Variants in UPP2 observed in about 807,000 individuals in gnomAD.
UPP2 encodes the protein UPase 2.
UPP2 carries 23 observed loss-of-function variants against 26.7 expected under a neutral mutation model. The ratio of observed to expected loss-of-function variants is 0.86; its 90% CI spans 0.62 to 1.22. The LOEUF (loss-of-function observed/expected upper bound fraction) is 1.22, where lower values mean the gene tolerates loss of function less well. Among genes scored for constraint, UPP2 ranks in the 50% most tolerant of loss-of-function variants. UPP2 has a pLI of 0.00. For synonymous variants in UPP2, 127 were observed against 141.3 expected (o/e 0.90, Z 0.72); for missense variants, 387 against 396.7 (o/e 0.98, Z 0.21).
At chr2:158,026,481 G>A (rs377240263) in intron 3 of UPP2, among the ~76,000 whole-genome samples, 3 of 152,134 alleles carry the variant, frequency 2.0e-5, no homozygotes, top group Admixed American at 6.5e-5. Flanking sequence ...ATGTAAGAAC[G>A]AGCGTCTCTC....
intron 2 of UPP2, among the ~76,000 whole-genome samples, chr2:158,015,433 T>C (rs753555787): frequency 2.0e-5 from 3 of 152,248 alleles, no homozygotes; most frequent in Admixed American, 6.5e-5. Flanking sequence ...TTTTTTAGGC[T>C]GAATAATAAT....
At chr2:158,103,191 A>G (rs981576679) in intron 1 of UPP2, among the ~76,000 whole-genome samples, 1 of 152,210 alleles carries the variant, frequency 6.6e-6, no homozygotes, top group Non-Finnish European at 1.5e-5. Flanking sequence ...ATCATCTTAG[A>G]AGTGCTTCTG....
chr2:158,074,687 T>TCACACA (rs1682600896), intron 3 of UPP2, among the ~76,000 whole-genome samples: 1 of 27,466 alleles, frequency 3.6e-5, no homozygotes, highest in South Asian at 6.9e-4. Context: ...TAGAAGACCT[T>TCACACA]CATACACACA....
At chr2:158,003,771 A>T (rs574673873) in intron 2 of UPP2, among the ~76,000 whole-genome samples, 1 of 152,060 alleles carries the variant, frequency 6.6e-6, no homozygotes, top group South Asian at 2.1e-4. Flanking sequence ...ATGGAATTGT[A>T]GATATTAGTA....
At chr2:158,075,751 TAAAC>T (rs1682620990) in intron 3 of UPP2, among the ~76,000 whole-genome samples, 1 of 151,372 alleles carries the variant, frequency 6.6e-6, no homozygotes, top group African/African-American at 2.4e-5. Context: ...AATATTCAAA[TAAAC>T]AACCTAATGA....
At chr2:158,024,983 C>A (rs74790619) in intron 3 of UPP2, among the ~76,000 whole-genome samples, 1 of 152,046 alleles carries the variant, frequency 6.6e-6, no homozygotes, top group African/African-American at 2.4e-5. Flanking sequence ...GGGTGAATCA[C>A]CTGAGGTCAG....
chr2:158,135,791 C>T lies in UPP2; in HGVS notation c.*901C>T, dbSNP rs1380490858. 6.6e-6 allele frequency: 1 copy of T among 152,190 alleles called. No homozygotes were observed. The highest frequency in any genetic ancestry group is 1.5e-5 in the Non-Finnish European group (1 of 68,058). The allele number at this position is 152,190 out of a possible 1,614,324, so 9.4% of individuals were successfully genotyped here. A position where few individuals can be genotyped will look rare whatever the true frequency, so the allele number is the denominator to read the frequency against. On this transcript the variant is annotated 3_prime_UTR_variant, in exon 7 of 7. Coordinates refer to ENST00000005756, the MANE Select transcript of UPP2 (RefSeq NM_173355.4). ...GGAGGCATGGTGCTCCTCCTGGCTG[C>T]ACATGCTCTCTGTGAACTGATCGCA...
intron 3 of UPP2, among the ~76,000 whole-genome samples, chr2:158,055,175 G>A (rs1440618164): frequency 6.6e-6 from 1 of 152,198 alleles, no homozygotes; most frequent in African/African-American, 2.4e-5. Flanking sequence ...TATTGCTGGT[G>A]GGGGCTCTCC....
At chr2:158,002,943 T>A (rs188458800) in intron 2 of UPP2, among the ~76,000 whole-genome samples, 1 of 152,284 alleles carries the variant, frequency 6.6e-6, no homozygotes, top group African/African-American at 2.4e-5. Flanking sequence ...CTCTCATGTT[T>A]AATTCTCATG....
intron 3 of UPP2, among the ~76,000 whole-genome samples, chr2:158,036,888 C>T (rs139728525): frequency 1.4e-4 from 22 of 152,284 alleles, no homozygotes; most frequent in East Asian, 1.2e-3. Context: ...CACACAGACA[C>T]GGAGACCCCA....
At chr2:158,040,665 A>T (rs1684071090) in intron 3 of UPP2, among the ~76,000 whole-genome samples, 2 of 152,206 alleles carry the variant, frequency 1.3e-5, no homozygotes, top group South Asian at 4.1e-4. Context: ...TCTAATAGTG[A>T]TTACCCCTCC....
At chr2:158,090,646 TAAAC>T (rs1261105575) in intron 3 of UPP2, among the ~76,000 whole-genome samples, 1 of 152,150 alleles carries the variant, frequency 6.6e-6, no homozygotes, top group Non-Finnish European at 1.5e-5. Flanking sequence ...TTTTGCTTGT[TAAAC>T]AAAGCATCTG....
intron 3 of UPP2, among the ~76,000 whole-genome samples, chr2:158,085,237 C>G (rs962520866): frequency 6.6e-6 from 1 of 151,472 alleles, no homozygotes; most frequent in Middle Eastern, 3.2e-3. Context: ...CTAAGTATTA[C>G]ATTATATTTT....
chr2:158,092,939 AT>A lies in UPP2; in HGVS notation c.148-9092del, dbSNP rs548190588. 1.3e-3 allele frequency among the ~76,000 whole-genome samples: 197 copies of A among 151,028 alleles called. 1 individual carries two copies. The highest frequency in any genetic ancestry group is 4.5e-3 in the African/African-American group (186 of 41,168). On this transcript the variant is annotated intron_variant, in intron 3 of 9. Transcript: ENST00000605860. ...GGGGTCTGCAAAGAATCATGTAATC[AT>A]TTTTTTTTCTCACTTTGCCACCCAG...
intron 2 of UPP2, among the ~76,000 whole-genome samples, chr2:158,014,767 C>T (rs1683633935): frequency 1.3e-5 from 2 of 152,322 alleles, no homozygotes; most frequent in South Asian, 4.1e-4. Context: ...ACTTCCACCA[C>T]ATCTTCTCCC....
chr2:158,034,020 C>T (rs1159643453), intron 3 of UPP2, among the ~76,000 whole-genome samples: 1 of 152,178 alleles, frequency 6.6e-6, no homozygotes, highest in Non-Finnish European at 1.5e-5. Context: ...GGTCAAGCAG[C>T]ATCTCCTGGC....
intron 3 of UPP2, among the ~76,000 whole-genome samples, chr2:158,090,948 A>T (rs74500678): frequency 0.012 from 1,795 of 152,260 alleles, 41 homozygotes; most frequent in African/African-American, 0.04. Context: ...AAAACTGGGA[A>T]ACTCTGTACC....
intron 3 of UPP2, among the ~76,000 whole-genome samples, chr2:158,035,093 G>T (rs143536248): frequency 2.0e-5 from 3 of 152,008 alleles, no homozygotes; most frequent in African/African-American, 7.2e-5. Flanking sequence ...CAGGTACAGT[G>T]CTAGAAACTA....
Position 157,997,134 on chromosome 2 carries a change from G to A in UPP2, c.61+1875G>A, listed in dbSNP as rs547751550. On this transcript the variant is annotated intron_variant, in intron 2 of 9. Transcript: ENST00000605860. ...GTAATTCATTTGCCTGTAACATCAG[G>A]GAACTGCTTGTCTGATTATTAGATC... 3.5e-4 allele frequency among the ~76,000 whole-genome samples: 53 copies of A among 152,238 alleles called. 2 individuals carry two copies. The South Asian group carries it at 0.011, about 31-fold the overall frequency.
Sources: allele counts gnomAD v4.1 joint callset (sites outside exome capture counted in the v4.1 genomes callset), GRCh38; gene constraint gnomAD v4.1.1; transcripts MANE v1.5; gene names NCBI Gene and HGNC (gene_info 2026-07-23, HGNC 2026-07-21).